RAB38: variants seen among roughly 807,000 people sequenced by gnomAD.
RAB38 encodes the protein RAB38, member RAS oncogene family.
Under a neutral mutation model 18.4 loss-of-function variants are expected in RAB38, and 15 were observed. The observed-to-expected ratio is 0.82, with a 90% CI of 0.55 to 1.26. RAB38 has a LOEUF of 1.26. Among genes scored for constraint, RAB38 ranks in the 50% most tolerant of loss-of-function variants. The probability of loss-of-function intolerance (pLI) is 0.00; values close to 1 mark genes in which losing one functional copy is unlikely to be tolerated. For missense variants in RAB38, 294 were observed against 267.4 expected (o/e 1.10, Z -0.69); for synonymous variants, 101 against 104.4 (o/e 0.97, Z 0.20).
the RAB38 span, among the ~76,000 whole-genome samples, chr11:87,895,635 T>C: frequency 2.6e-5 from 4 of 151,660 alleles, no homozygotes; most frequent in Non-Finnish European, 5.9e-5. Flanking sequence ...GCTCCAAAGA[T>C]TATACTACTT....
the RAB38 span, among the ~76,000 whole-genome samples, chr11:88,074,822 A>G: frequency 6.6e-6 from 1 of 152,180 alleles, no homozygotes; most frequent in African/African-American, 2.4e-5. Context: ...CATTTCACTT[A>G]TAAAGACTCA....
the RAB38 span, among the ~76,000 whole-genome samples, chr11:87,823,481 T>A: frequency 2.0e-5 from 3 of 151,904 alleles, no homozygotes; most frequent in Admixed American, 6.6e-5. Flanking sequence ...AAAGAAAAAA[T>A]TTCCTTTTAC....
At chr11:88,123,835 C>T (rs1001758532) in intron 2 of RAB38, among the ~76,000 whole-genome samples, 2 of 152,136 alleles carry the variant, frequency 1.3e-5, no homozygotes, top group African/African-American at 4.8e-5. Context: ...TGTATTTTTA[C>T]GACTATATAG....
intron 2 of RAB38, among the ~76,000 whole-genome samples, chr11:88,128,709 C>T (rs186852655): frequency 1.9e-3 from 297 of 152,328 alleles, no homozygotes; most frequent in Middle Eastern, 6.8e-3. Context: ...TACCCTCAAC[C>T]TCAGTTAGAG....
At chr11:87,862,237 T>C in the RAB38 span, among the ~76,000 whole-genome samples, 1 of 151,948 alleles carries the variant, frequency 6.6e-6, no homozygotes, top group Non-Finnish European at 1.5e-5. Context: ...CTATTCACAA[T>C]AGCAAAGACA....
chr11:87,878,260 A>G, the RAB38 span, among the ~76,000 whole-genome samples: 832 of 82,574 alleles, frequency 0.01, 59 homozygotes, highest in African/African-American at 0.028. Context: ...TCATCTATCT[A>G]TCTATCTATC....
intron 2 of RAB38, among the ~76,000 whole-genome samples, chr11:88,143,787 A>C (rs1360752161): frequency 6.6e-6 from 1 of 152,226 alleles, no homozygotes; most frequent in Non-Finnish European, 1.5e-5. Context: ...CCTGCCTTCT[A>C]CAAACTGAAC....
the RAB38 span, among the ~76,000 whole-genome samples, chr11:87,878,222 T>TATATATATATATATAC: frequency 0.027 from 3,131 of 116,052 alleles, 143 homozygotes; most frequent in Non-Finnish European, 0.038. Flanking sequence ...TATATATATA[T>TATATATATATATATAC]ACACACATAT....
At chr11:87,944,626 G>C in the RAB38 span, among the ~76,000 whole-genome samples, 4 of 152,148 alleles carry the variant, frequency 2.6e-5, no homozygotes, top group African/African-American at 4.8e-5. Flanking sequence ...AGGAACCTCT[G>C]AGAGATTCTA....
At chr11:88,138,791 T>A (rs368515094) in intron 2 of RAB38, among the ~76,000 whole-genome samples, 2 of 144,996 alleles carry the variant, frequency 1.4e-5, no homozygotes, top group African/African-American at 5.6e-5. Flanking sequence ...TTTTTTTTAT[T>A]ATTTTTTTTG....
intron 2 of RAB38, among the ~76,000 whole-genome samples, chr11:88,134,100 A>C (rs1167344574): frequency 1.3e-5 from 2 of 152,216 alleles, no homozygotes; most frequent in Admixed American, 1.3e-4. Flanking sequence ...GCAGAATCAT[A>C]CATAACTACT....
chr11:87,858,860 T>G, the RAB38 span, among the ~76,000 whole-genome samples: 2 of 150,994 alleles, frequency 1.3e-5, no homozygotes, highest in South Asian at 4.2e-4. Flanking sequence ...AATTCATTCA[T>G]AAACCAATGG....
chr11:88,164,610 ATTTTC>A (rs1292720960), intron 1 of RAB38, among the ~76,000 whole-genome samples: 12 of 140,822 alleles, frequency 8.5e-5, no homozygotes, highest in African/African-American at 3.1e-4. Flanking sequence ...AACAAAAATA[ATTTTC>A]TTTTAATTTA....
At chr11:87,946,037 G>C in the RAB38 span, among the ~76,000 whole-genome samples, 1 of 152,096 alleles carries the variant, frequency 6.6e-6, no homozygotes, top group African/African-American at 2.4e-5. Context: ...ACTTGCCCAA[G>C]TTCACACATG....
At chr11:88,036,572 C>A in the RAB38 span, among the ~76,000 whole-genome samples, 2 of 151,954 alleles carry the variant, frequency 1.3e-5, no homozygotes, top group Non-Finnish European at 2.9e-5. Context: ...CTGTGCATTT[C>A]CTTTTTTCTT....
chr11:87,874,821 A>AGG, the RAB38 span, among the ~76,000 whole-genome samples: 1 of 151,500 alleles, frequency 6.6e-6, no homozygotes, highest in Non-Finnish European at 1.5e-5. Flanking sequence ...TGAGGAGAAA[A>AGG]GGGGGAACCC....
chr11:87,926,392 C>T, the RAB38 span, among the ~76,000 whole-genome samples: 1 of 152,050 alleles, frequency 6.6e-6, no homozygotes, highest in Non-Finnish European at 1.5e-5. Flanking sequence ...TAGATCACTT[C>T]ACTCAGCCAT....
chr11:88,036,302 A>G, the RAB38 span, among the ~76,000 whole-genome samples: 1 of 152,196 alleles, frequency 6.6e-6, no homozygotes, highest in Non-Finnish European at 1.5e-5. Flanking sequence ...TGTAGTGAAA[A>G]ATGATGTTTA....
At chr11:88,168,940 G>A (rs1943276161) in intron 1 of RAB38, among the ~76,000 whole-genome samples, 1 of 152,028 alleles carries the variant, frequency 6.6e-6, no homozygotes, top group Non-Finnish European at 1.5e-5. Flanking sequence ...CCCCTCCATT[G>A]TTCTCATCAC....
Sources: gnomAD v4.1 joint callset for allele counts (sites outside exome capture counted in the v4.1 genomes callset) on GRCh38, gnomAD v4.1.1 for gene constraint, MANE v1.5 for transcripts, NCBI Gene and HGNC (gene_info 2026-07-23, HGNC 2026-07-21) for gene names.